Variants in NFKBIB observed in about 807,000 individuals in gnomAD.
NFKBIB encodes NF-kappa-B inhibitor beta.
In NFKBIB, 16 loss-of-function variants were observed where a neutral mutation model predicts 32.1. That is an observed-to-expected ratio of 0.50 (90% CI 0.34 to 0.76). NFKBIB has a LOEUF of 0.76. Ranked by LOEUF, NFKBIB falls within the 30% of genes least tolerant of loss-of-function variation. The pLI, the probability that NFKBIB is intolerant of heterozygous loss-of-function variation, is 0.01. For synonymous variants in NFKBIB, 222 were observed against 219.5 expected (o/e 1.01, Z -0.10); for missense variants, 437 against 514.9 (o/e 0.85, Z 1.46).
At chr19:38,902,624 A>T (rs1974004104) in intron 1 of NFKBIB, among the ~76,000 whole-genome samples, 1 of 150,950 alleles carries the variant, frequency 6.6e-6, no homozygotes, top group African/African-American at 2.4e-5. Flanking sequence ...GTTTCTAAAA[A>T]TCAAAAGAAT....
intron 1 of NFKBIB, among the ~76,000 whole-genome samples, chr19:38,903,796 C>T (rs904231475): frequency 2.0e-5 from 3 of 151,836 alleles, no homozygotes; most frequent in South Asian, 4.2e-4. Flanking sequence ...TGAGGCCGGG[C>T]GCCGTGGCTC....
chr19:38,907,602 G>A lies in NFKBIB; in HGVS notation c.912G>A (p.Glu304=), dbSNP rs1206823621. The change falls in exon 5 of 6, where the codon GAG becomes GAA. Residue 304 remains glutamate, a synonymous_variant. Transcript: ENST00000313582. ...ACGGAGCCCCTGAGCCCGAGGGCGAGGACGAGAAATCCGGCCCCTGCAGCA... is the reference window on the plus strand; with the variant it reads ...ACGGAGCCCCTGAGCCCGAGGGCGAAGACGAGAAATCCGGCCCCTGCAGCA... The part of the protein sequence containing the change: ...RAHGAPEPEG[E]DEKSGPCSSS... The A allele has an allele frequency of 1.5e-5, 24 of 1,611,702 alleles. No homozygotes were observed. The highest frequency in any genetic ancestry group is 6.7e-5 in the Admixed American group (4 of 59,904).
At chr19:38,907,794 G>C (rs1415687098) in intron 5 of NFKBIB, 135 bp downstream of exon 5, 4 of 1,450,454 alleles carry the variant, frequency 2.8e-6, no homozygotes, top group Non-Finnish European at 3.6e-6. Flanking sequence ...CAGTGACACG[G>C]GGCACTAGTC....
At chr19:38,904,415 C>T (rs1051404922) in intron 1 of NFKBIB, among the ~76,000 whole-genome samples, 2 of 152,150 alleles carry the variant, frequency 1.3e-5, no homozygotes, top group Non-Finnish European at 2.9e-5. Flanking sequence ...ATGGCTGATC[C>T]GTATTCTCCG....
chr19:38,907,666 CAGG>C lies in NFKBIB; in HGVS notation c.969+13_969+15del, dbSNP rs1568416842. On this transcript the variant is annotated splice_region_variant and intron_variant, in intron 5 of 5. Coordinates refer to ENST00000313582, the MANE Select transcript of NFKBIB (RefSeq NM_002503.5). ...CGACAGCGGAGACGAGGGCGTGAGTCAGGAGGAGAGACAGGGCAGCCCAGCTGG... is the reference window on the plus strand; with the variant it reads ...CGACAGCGGAGACGAGGGCGTGAGTCAGGAGAGACAGGGCAGCCCAGCTGG... 1.1e-5 allele frequency: 18 copies of C among 1,595,240 alleles called. No individual in the cohort carries two copies. Among genetic ancestry groups the C allele is most frequent in the Non-Finnish European group, 1.4e-5 (16 of 1,170,778 alleles).
intron 5 of NFKBIB, chr19:38,907,985 A>C: frequency 1.7e-6 from 2 of 1,177,830 alleles, no homozygotes; most frequent in South Asian, 3.0e-5. Context: ...GAATTGGAGA[A>C]CTCACACTGC....
At chr19:38,901,819 A>G (rs1335152811) in intron 1 of NFKBIB, among the ~76,000 whole-genome samples, 5 of 152,036 alleles carry the variant, frequency 3.3e-5, no homozygotes, top group African/African-American at 1.2e-4. Flanking sequence ...GAGCTCAAGC[A>G]TTCTTCCCAC....
At position 38,905,603 on chromosome 19, in the gene NFKBIB, C is replaced by A; in HGVS notation, c.619+68C>A. 1.5e-6 allele frequency: 2 copies of A among 1,300,296 alleles called. No individual in the cohort carries two copies. Among genetic ancestry groups the A allele is most frequent in the Non-Finnish European group, 2.1e-6 (2 of 938,918 alleles). 80.5% of individuals were successfully genotyped at this position (1,300,296 alleles called of 1,614,324 possible). Reference sequence around the variant, plus strand: ...CGAGAGCACCTGGCCCTGGGCTCAGCTTCCCTGATTTGAGACTGAGCTCCT... The same window carrying A: ...CGAGAGCACCTGGCCCTGGGCTCAGATTCCCTGATTTGAGACTGAGCTCCT... On this transcript the variant is annotated intron_variant, in intron 3 of 5. Coordinates refer to ENST00000313582, the MANE Select transcript of NFKBIB (RefSeq NM_002503.5). This position sits in a 1 kb window ranked among gnomAD's most constrained non-coding sequence, Gnocchi z 5.5.
chr19:38,901,048 T>C (rs1379550186), intron 1 of NFKBIB, among the ~76,000 whole-genome samples: 1 of 151,886 alleles, frequency 6.6e-6, no homozygotes, highest in Non-Finnish European at 1.5e-5. Flanking sequence ...AATGAGGCAA[T>C]AGATAAACAA....
At chr19:38,906,930 C>T (rs1804705186) in intron 3 of NFKBIB, among the ~76,000 whole-genome samples, 1 of 152,196 alleles carries the variant, frequency 6.6e-6, no homozygotes, top group Non-Finnish European at 1.5e-5. Context: ...AGAGCAGAGA[C>T]TTGGGTCTCC....
upstream of NFKBIB, chr19:38,899,831 G>C (rs1414132508): frequency 1.0e-5 from 7 of 702,710 alleles, no homozygotes; most frequent in Non-Finnish European, 1.6e-5. Flanking sequence ...ATGTGGGAAC[G>C]GCTAGAGAGT....
At chr19:38,899,740 G>A (rs1973874017), upstream of NFKBIB, 1 of 739,022 alleles carries the variant, frequency 1.4e-6, no homozygotes, top group Non-Finnish European at 2.3e-6. Context: ...CCCCAGTTAG[G>A]TAAGAAAGCG....
At chr19:38,907,351 G>A (rs762597339) in intron 4 of NFKBIB, 42 bp downstream of exon 4, 3 of 1,602,468 alleles carry the variant, frequency 1.9e-6, no homozygotes, top group Non-Finnish European at 2.6e-6. Context: ...GCGGGAGGGG[G>A]CTTGTCCCCT....
In NFKBIB at chr19:38,907,229, C is replaced by G. The variant is rs139492623; in HGVS notation, c.628C>G (p.Pro210Ala). Residue 210 changes from proline (P) to alanine (A), a missense_variant, in exon 4 of 6, where the codon CCA becomes GCA. Coordinates refer to ENST00000313582, the MANE Select transcript of NFKBIB (RefSeq NM_002503.5). ...LEAENYEGHTPLHVAVIHKDV... is the reference protein window; with the variant it reads ...LEAENYEGHTALHVAVIHKDV... ...AATCACTCTGTCCCCAGGCCACACC[C>G]CACTCCACGTGGCCGTTATCCACAA... 6.2e-7 allele frequency: 1 copy of G among 1,612,300 alleles called. No homozygotes were observed. The highest frequency in any genetic ancestry group is 1.3e-5 in the African/African-American group (1 of 74,918).
chr19:38,908,649 C>A, intron 5 of NFKBIB, 82 bp from the exon 6 acceptor site: 1 of 1,485,896 alleles, frequency 6.7e-7, no homozygotes, highest in Non-Finnish European at 8.9e-7. Context: ...AGACCTAATT[C>A]TTAGGGTGCT....
Position 38,907,315 on chromosome 19 carries a change from C to G in NFKBIB, c.708+6C>G, listed in dbSNP as rs752369515. On this transcript the variant is annotated splice_donor_region_variant and intron_variant, in intron 4 of 5. Coordinates refer to ENST00000313582, the MANE Select transcript of NFKBIB (RefSeq NM_002503.5). Reference sequence around the variant, plus strand: ...GAGCTGACCTTGACAAACCGGTGAGCCCCAACCTCGGGGAAGATGCCGTCG... The same window carrying G: ...GAGCTGACCTTGACAAACCGGTGAGGCCCAACCTCGGGGAAGATGCCGTCG... 1 of 1,611,246 alleles carries G rather than the reference C, an allele frequency of 6.2e-7. No individual in the cohort carries two copies. The highest frequency in any genetic ancestry group is 1.7e-5 in the Admixed American group (1 of 59,944).
chr19:38,904,516 G>T (rs117682758), intron 1 of NFKBIB, among the ~76,000 whole-genome samples: 3 of 152,260 alleles, frequency 2.0e-5, no homozygotes, highest in Non-Finnish European at 4.4e-5. Flanking sequence ...AGCCACGCTG[G>T]CCTCCACAGA....
intron 3 of NFKBIB, among the ~76,000 whole-genome samples, chr19:38,906,553 T>C (rs1402842078): frequency 2.1e-5 from 3 of 141,330 alleles, no homozygotes; most frequent in African/African-American, 5.4e-5. Flanking sequence ...CACTGCAAGC[T>C]CCGCCTCCTG....
rs765777830 is a variant in NFKBIB at position 38,905,162 on chromosome 19, C to T, written c.286-40C>T. 4 of 1,610,948 alleles carry T rather than the reference C, an allele frequency of 2.5e-6. No homozygotes were observed. Among genetic ancestry groups the T allele is most frequent in the East Asian group, 4.5e-5 (2 of 44,840 alleles). On this transcript the variant is annotated intron_variant, in intron 2 of 5. Coordinates refer to ENST00000313582, the MANE Select transcript of NFKBIB (RefSeq NM_002503.5). This position sits in a 1 kb window ranked among gnomAD's most constrained non-coding sequence, Gnocchi z 5.5. Reference sequence around the variant, plus strand: ...GGTGTAGGGCTTGGGGTCCAGGGTTCCCAGTGTGACTCCCTACCGCCTGTC... The same window carrying T: ...GGTGTAGGGCTTGGGGTCCAGGGTTTCCAGTGTGACTCCCTACCGCCTGTC...
Sources: allele counts gnomAD v4.1 joint callset (sites outside exome capture counted in the v4.1 genomes callset), GRCh38; gene constraint gnomAD v4.1.1; non-coding constraint Gnocchi (gnomAD v3.1); transcripts MANE v1.5; gene names NCBI Gene and HGNC (gene_info 2026-07-23, HGNC 2026-07-21).